ACAP2: variants seen among roughly 807,000 people sequenced by gnomAD.
ACAP2 encodes arf-GAP with coiled-coil, ANK repeat and PH domain-containing protein 2.
Under a neutral mutation model 115.8 loss-of-function variants are expected in ACAP2, and 39 were observed. That is an observed-to-expected ratio of 0.34 (90% CI 0.26 to 0.44). The LOEUF (loss-of-function observed/expected upper bound fraction) is 0.44, where lower values mean the gene tolerates loss of function less well. Among genes scored for constraint, ACAP2 ranks in the 20% least tolerant of loss-of-function variants. ACAP2 has a pLI of 1.00. For missense variants in ACAP2, 662 were observed against 927.6 expected (o/e 0.71, Z 3.72); for synonymous variants, 289 against 315.8 (o/e 0.92, Z 0.90).
At chr3:195,303,076 C>A (rs943543293) in intron 13 of ACAP2, among the ~76,000 whole-genome samples, 1 of 152,102 alleles carries the variant, frequency 6.6e-6, no homozygotes, top group South Asian at 2.1e-4. Flanking sequence ...ATTAGCTGGG[C>A]GTGGTGGCGC....
chr3:195,331,271 T>C (rs1730147246), intron 8 of ACAP2, among the ~76,000 whole-genome samples: 1 of 151,998 alleles, frequency 6.6e-6, no homozygotes, highest in African/African-American at 2.4e-5. Flanking sequence ...AACTCACATA[T>C]ACTCTGGTCA....
chr3:195,332,402 C>T (rs1368092310), intron 8 of ACAP2, among the ~76,000 whole-genome samples: 1 of 152,120 alleles, frequency 6.6e-6, no homozygotes, highest in Non-Finnish European at 1.5e-5. Context: ...TTTTTAAATT[C>T]TCCTTTTCAA....
At chr3:195,367,391 C>T (rs1477529034) in intron 4 of ACAP2, among the ~76,000 whole-genome samples, 1 of 152,092 alleles carries the variant, frequency 6.6e-6, no homozygotes, top group Non-Finnish European at 1.5e-5. Context: ...CAATTATATG[C>T]TACACTTCAA....
chr3:195,345,174 T>TATATA (rs1359379341), intron 5 of ACAP2, 85 bp downstream of exon 5: 1 of 902,282 alleles, frequency 1.1e-6, no homozygotes, highest in Non-Finnish European at 1.8e-6. Context: ...TAATTCATGG[T>TATATA]ATATAACTTC....
chr3:195,405,134 T>C (rs1357929911), intron 1 of ACAP2, among the ~76,000 whole-genome samples: 1 of 151,870 alleles, frequency 6.6e-6, no homozygotes, highest in Non-Finnish European at 1.5e-5. Flanking sequence ...CTCCTACAAA[T>C]ACAAGGACTG....
chr3:195,393,272 G>A (rs949896366), intron 1 of ACAP2, among the ~76,000 whole-genome samples: 1 of 152,174 alleles, frequency 6.6e-6, no homozygotes, highest in African/African-American at 2.4e-5. Context: ...GGAGGTTGAC[G>A]CTTCAGTGCA....
At chr3:195,280,197 G>A (rs1040821985) in intron 22 of ACAP2, among the ~76,000 whole-genome samples, 13 of 152,178 alleles carry the variant, frequency 8.5e-5, no homozygotes, top group Non-Finnish European at 1.6e-4. Context: ...TTAAGGCCAG[G>A]TGTGGTGGCT....
intron 21 of ACAP2, 25 bp downstream of exon 21, chr3:195,289,096 A>T: frequency 7.0e-6 from 11 of 1,563,674 alleles, no homozygotes; most frequent in Non-Finnish European, 9.6e-6. Context: ...GTATGGAAAT[A>T]GTCAAGTAAA....
intron 1 of ACAP2, among the ~76,000 whole-genome samples, chr3:195,395,391 G>A (rs1711668926): frequency 1.3e-5 from 2 of 152,192 alleles, no homozygotes; most frequent in African/African-American, 4.8e-5. Context: ...AATGAGCACA[G>A]TCACAAAGGT....
intron 1 of ACAP2, among the ~76,000 whole-genome samples, chr3:195,393,018 T>C (rs1258557396): frequency 6.6e-6 from 1 of 152,182 alleles, no homozygotes; most frequent in African/African-American, 2.4e-5. Flanking sequence ...GAGTAAGATA[T>C]TCTCAGGAGA....
intron 1 of ACAP2, among the ~76,000 whole-genome samples, chr3:195,426,000 C>A (rs1484896009): frequency 6.6e-6 from 1 of 152,198 alleles, no homozygotes; most frequent in Non-Finnish European, 1.5e-5. Flanking sequence ...TAAACCTTAT[C>A]TCCCACCACT....
At chr3:195,321,696 C>T (rs1174906565) in intron 9 of ACAP2, among the ~76,000 whole-genome samples, 3 of 151,252 alleles carry the variant, frequency 2.0e-5, no homozygotes, top group African/African-American at 7.3e-5. Context: ...TCACTGCAAC[C>T]TCTGCCTCCC....
chr3:195,348,806 G>T (rs901320159), intron 4 of ACAP2, among the ~76,000 whole-genome samples: 1 of 152,010 alleles, frequency 6.6e-6, no homozygotes, highest in East Asian at 1.9e-4. Flanking sequence ...GACATATAAG[G>T]TACCTTCCTT....
chr3:195,422,152 C>T (rs990905122), intron 1 of ACAP2, among the ~76,000 whole-genome samples: 1 of 152,116 alleles, frequency 6.6e-6, no homozygotes, highest in Non-Finnish European at 1.5e-5. Flanking sequence ...ATAATGTACT[C>T]CCTTGTACCC....
intron 11 of ACAP2, 128 bp from the exon 12 acceptor site, chr3:195,307,451 C>A: frequency 3.3e-6 from 2 of 608,668 alleles, no homozygotes; most frequent in South Asian, 4.5e-5. Flanking sequence ...ATTTTAGAAA[C>A]AGGGGTTATC....
At chr3:195,433,674 A>C (rs2108864221) in intron 1 of ACAP2, among the ~76,000 whole-genome samples, 1 of 152,290 alleles carries the variant, frequency 6.6e-6, no homozygotes, top group South Asian at 2.1e-4. Flanking sequence ...GATTTTGTCA[A>C]ATGCTTTTTC....
intron 2 of ACAP2, among the ~76,000 whole-genome samples, chr3:195,386,771 T>C (rs1352105661): frequency 2.0e-5 from 3 of 151,424 alleles, no homozygotes; most frequent in Admixed American, 2.0e-4. Flanking sequence ...GCACATTCTG[T>C]ACATGTATCC....
intron 1 of ACAP2, among the ~76,000 whole-genome samples, chr3:195,410,496 C>T (rs569766135): frequency 6.6e-6 from 1 of 152,232 alleles, no homozygotes; most frequent in South Asian, 2.1e-4. Flanking sequence ...AAAATACTTG[C>T]AAATCATCTG....
At chr3:195,319,591 G>A (rs186368555) in intron 10 of ACAP2, among the ~76,000 whole-genome samples, 77 of 152,362 alleles carry the variant, frequency 5.1e-4, no homozygotes, top group African/African-American at 1.7e-3. Flanking sequence ...TGACTGCCTG[G>A]CTGGGTTTCG....
Sources: allele counts gnomAD v4.1 joint callset (sites outside exome capture counted in the v4.1 genomes callset), GRCh38; gene constraint gnomAD v4.1.1; transcripts MANE v1.5; gene names NCBI Gene and HGNC (gene_info 2026-07-23, HGNC 2026-07-21).